The following HAUS6 variants were observed in gnomAD, a reference collection of about 807,000 sequenced individuals.
HAUS6 encodes the protein HAUS augmin like complex subunit 6.
A neutral mutation model predicts 106.8 loss-of-function variants in HAUS6; 80 were observed. The observed-to-expected ratio is 0.75, with a 90% CI of 0.63 to 0.90. HAUS6 has a LOEUF of 0.90. HAUS6 is among the 40% of genes least tolerant of loss of function. The pLI is 0.00. For missense variants in HAUS6, 1,155 were observed against 1,118.1 expected, an observed-to-expected ratio of 1.03 and a Z score of -0.47; for synonymous variants, 356 against 379.1, an observed-to-expected ratio of 0.94 and a Z score of 0.71.
chr9:19,086,299 T>G (rs1588620002), intron 7 of HAUS6, among the ~76,000 whole-genome samples: 1 of 124,744 alleles, frequency 8.0e-6, no homozygotes, highest in Admixed American at 8.8e-5. Flanking sequence ...AGAGTGAGAC[T>G]CCATCTCAAA....
Position 19,058,116 on chromosome 9 carries a change from G to A in HAUS6, c.2651C>T (p.Thr884Ile), listed in dbSNP as rs747431956. Residue 884 changes from threonine to isoleucine, a missense_variant, in exon 16 of 17, where the codon ACC (threonine) becomes ATC (isoleucine). This residue lies in a region of HAUS6 where 380 missense variants were observed against 394.8 expected (regional missense o/e 0.96). Coordinates refer to ENST00000380502, the MANE Select transcript of HAUS6 (RefSeq NM_017645.5). ...TATATGCTCAGTATGCAAATCACAG[G>A]TGTCCAAAAAGTTAAGCGTATCATC... The part of the protein sequence containing the change: ...QTDDTLNFLD[T>I]CDLHTEHIKP... 8 of 1,614,114 alleles carry A rather than the reference G, an allele frequency of 5.0e-6. No individual in the cohort carries two copies. Among genetic ancestry groups the A allele is most frequent in the East Asian group, 2.2e-5 (1 of 44,878 alleles).
intron 13 of HAUS6, 126 bp downstream of exon 13, chr9:19,063,388 C>T: frequency 1.5e-6 from 1 of 657,212 alleles, no homozygotes; most frequent in Non-Finnish European, 2.6e-6. Context: ...AGATATGGTA[C>T]AAAATGTACA....
In HAUS6 at chr9:19,093,302, C is replaced by G; in HGVS notation, c.305G>C (p.Gly102Ala). 6.3e-7 allele frequency: 1 copy of G among 1,596,354 alleles called. No individual in the cohort carries two copies. The highest frequency in any genetic ancestry group is 8.5e-7 in the Non-Finnish European group (1 of 1,171,478). The change falls in exon 4 of 17, where the codon GGT becomes GCT. Residue 102 changes from glycine (G) to alanine (A), a missense_variant and splice_region_variant. By Grantham distance (60) the Gly-to-Ala change is moderately conservative (BLOSUM62 0). Coordinates refer to ENST00000380502, the MANE Select transcript of HAUS6 (RefSeq NM_017645.5). Reference sequence around the variant, plus strand: ...TTGAGGAAAGCTACTTCCACATTCACCCTATGAAGAAAAGAAATAAGATGA... The same window carrying G: ...TTGAGGAAAGCTACTTCCACATTCAGCCTATGAAGAAAAGAAATAAGATGA... ...HCCEWIKRIS[G>A]ECGSSFPQVV...
In HAUS6 at chr9:19,060,087, C is replaced by T. The variant is rs1165634274; in HGVS notation, c.1765+1G>A. 1.2e-6 allele frequency: 2 copies of T among 1,605,972 alleles called. No homozygotes were observed. The highest frequency in any genetic ancestry group is 1.7e-6 in the Non-Finnish European group (2 of 1,175,638). On this transcript the variant is annotated splice_donor_variant, in intron 15 of 16. Coordinates refer to ENST00000380502, the MANE Select transcript of HAUS6 (RefSeq NM_017645.5). LOFTEE classifies it high-confidence loss of function. ...AGTAACAGAAAGCATTATTAACTTA[C>T]TCAAGTTTTCTGGAGTACGGGGAAT...
At chr9:19,056,782 G>A in intron 16 of HAUS6, 1 of 170,728 alleles carries the variant, frequency 5.9e-6, no homozygotes, top group Admixed American at 5.9e-5. Flanking sequence ...TTAATTTTTT[G>A]TAGAGACATA....
Position 19,096,657 on chromosome 9 carries a change from A to C in HAUS6, c.224+17T>G. The C allele has an allele frequency of 9.0e-7, 1 of 1,113,610 alleles. No homozygotes were observed. Among genetic ancestry groups the C allele is most frequent in the Non-Finnish European group, 1.3e-6 (1 of 757,156 alleles). 69.0% of individuals were successfully genotyped at this position (1,113,610 alleles called of 1,614,324 possible). On this transcript the variant is annotated intron_variant, in intron 2 of 16. Coordinates refer to ENST00000380502, the MANE Select transcript of HAUS6 (RefSeq NM_017645.5). Reference sequence around the variant, plus strand: ...ATTTGGAAAGAAATTTAAGAAAATGAAATTATTTTTCCTTACTTGAAAACT... The same window carrying C: ...ATTTGGAAAGAAATTTAAGAAAATGCAATTATTTTTCCTTACTTGAAAACT...
intron 14 of HAUS6, among the ~76,000 whole-genome samples, chr9:19,062,214 C>T (rs1836639401): frequency 6.6e-6 from 1 of 152,148 alleles, no homozygotes; most frequent in Non-Finnish European, 1.5e-5. Context: ...AACAACAATG[C>T]ATCTAATCAC....
At chr9:19,057,776 A>C in intron 16 of HAUS6, 185 bp downstream of exon 16, 2 of 498,160 alleles carry the variant, frequency 4.0e-6, no homozygotes, top group East Asian at 5.9e-5. Context: ...AATTGTAACT[A>C]TATATACATA....
At chr9:19,101,946 G>A (rs759623967) in intron 1 of HAUS6, among the ~76,000 whole-genome samples, 4 of 152,172 alleles carry the variant, frequency 2.6e-5, no homozygotes, top group Non-Finnish European at 4.4e-5. Flanking sequence ...TTGGCCTACA[G>A]TGGGAATGAT....
rs1006044908 is a variant in HAUS6, at chr9:19,056,217, G to A, written c.*126C>T. 1.7e-6 allele frequency: 1 copy of A among 582,152 alleles called. No homozygotes were observed. The allele number at this position is 582,152 out of a possible 1,614,324, so 36.1% of individuals were successfully genotyped here. A position where few individuals can be genotyped will look rare whatever the true frequency, so the allele number is the denominator to read the frequency against. On this transcript the variant is annotated 3_prime_UTR_variant, in exon 17 of 17. Coordinates refer to ENST00000380502, the MANE Select transcript of HAUS6 (RefSeq NM_017645.5). ...TATTAAAGAAGGCTAAAAGGCATTA[G>A]GAATTTTTTTAAACCTTGAAAAACA...
rs373136257 is a variant in HAUS6 at position 19,060,077 on chromosome 9, T to C, written c.1765+11A>G. ...GAAAGAAAAAAGTAACAGAAAGCAT[T>C]ATTAACTTACTCAAGTTTTCTGGAG... is the stretch of plus-strand genomic sequence containing the variant. On this transcript the variant is annotated intron_variant, in intron 15 of 16. Transcript: ENST00000380502. 6 of 1,600,160 alleles carry C rather than the reference T, an allele frequency of 3.7e-6. No homozygotes were observed. In the African/African-American group the frequency reaches 5.4e-5, roughly 14 times the overall value.
Position 19,080,536 on chromosome 9 carries a change from T to C in HAUS6, c.1007A>G (p.Tyr336Cys), listed in dbSNP as rs150224152. The change falls in exon 9 of 17, where the codon TAC becomes TGC. Residue 336 changes from tyrosine (Y) to cysteine (C), a missense_variant. Coordinates refer to ENST00000380502, the MANE Select transcript of HAUS6 (RefSeq NM_017645.5). Reference protein sequence around the residue: ...DQARLTVDLHYLEKETKFQKE... With the variant: ...DQARLTVDLHCLEKETKFQKE... ...CTGAAATTTGGTCTCTTTTTCAAGG[T>C]AGTGAAGGTCTACCGTCAATCTTGC... 381 of 1,609,000 alleles carry C rather than the reference T, an allele frequency of 2.4e-4. 1 individual carries two copies. In the African/African-American group the frequency reaches 4.4e-3, roughly 18 times the overall value.
Position 19,063,562 on chromosome 9 carries a change from C to T in HAUS6, c.1395G>A (p.Ser465=), listed in dbSNP as rs753112729. Reference sequence around the variant, plus strand: ...TTCTATCTGATGATGAAACTGACTGCGACAAGAAAGAGGCAGGGCTAAAAG... The same window carrying T: ...TTCTATCTGATGATGAAACTGACTGTGACAAGAAAGAGGCAGGGCTAAAAG... ...DLANSPASFL[S]QSVSSSDRNS... The change falls in exon 13 of 17, where the codon TCG becomes TCA. Residue 465 remains serine (S), a synonymous_variant. Transcript: ENST00000380502. 5.6e-6 allele frequency: 9 copies of T among 1,606,136 alleles called. No homozygotes were observed. Among genetic ancestry groups the T allele is most frequent in the South Asian group, 4.4e-5 (4 of 90,924 alleles).
chr9:19,095,960 AAAC>A (rs940896315), intron 2 of HAUS6, among the ~76,000 whole-genome samples: 1 of 152,100 alleles, frequency 6.6e-6, no homozygotes, highest in African/African-American at 2.4e-5. Context: ...CGTGTAGACA[AAAC>A]AACACTGCCT....
At chr9:19,102,465 G>C in intron 1 of HAUS6, 59 bp downstream of exon 1, 2 of 1,564,428 alleles carry the variant, frequency 1.3e-6, no homozygotes, top group Non-Finnish European at 1.7e-6. Flanking sequence ...ACAAAAGGGG[G>C]AGTCCCCCGG....
chr9:19,056,321 G>C lies in HAUS6; in HGVS notation c.*22C>G, dbSNP rs961957451. On this transcript the variant is annotated 3_prime_UTR_variant, in exon 17 of 17. Coordinates refer to ENST00000380502, the MANE Select transcript of HAUS6 (RefSeq NM_017645.5). Reference sequence around the variant, plus strand: ...ATAGCTTCAATTTAAGTGCATCATAGTTATATTAAATGGGTACGTCTTCAT... The same window carrying C: ...ATAGCTTCAATTTAAGTGCATCATACTTATATTAAATGGGTACGTCTTCAT... 1 of 1,118,230 alleles carries C rather than the reference G, an allele frequency of 8.9e-7. No homozygotes were observed. Among genetic ancestry groups the C allele is most frequent in the African/African-American group, 1.5e-5 (1 of 65,144 alleles). 69.3% of individuals were successfully genotyped at this position (1,118,230 alleles called of 1,614,324 possible).
At chr9:19,096,639 A>G (rs779831137) in intron 2 of HAUS6, 35 bp downstream of exon 2, 1 of 933,520 alleles carries the variant, frequency 1.1e-6, no homozygotes, top group Admixed American at 2.4e-5. Flanking sequence ...CAAATTTGGA[A>G]AGAAATTTAA....
chr9:19,083,707 CAGA>C (rs1285320990), intron 7 of HAUS6, among the ~76,000 whole-genome samples: 1 of 150,220 alleles, frequency 6.7e-6, no homozygotes, highest in East Asian at 2.0e-4. Context: ...GAGGCTGAGG[CAGA>C]AGAATGGTGT....
At chr9:19,082,769 C>T (rs1837187471) in intron 8 of HAUS6, 104 bp downstream of exon 8, 1 of 650,418 alleles carries the variant, frequency 1.5e-6, no homozygotes, top group Non-Finnish European at 2.4e-6. Flanking sequence ...AAACAAAAAA[C>T]AAAAAACAAA....
Sources: gnomAD v4.1 joint callset for allele counts (sites outside exome capture counted in the v4.1 genomes callset) on GRCh38, gnomAD v4.1.1 for gene constraint, gnomAD v4.1.1 regional missense constraint, MANE v1.5 for transcripts, NCBI Gene and HGNC (gene_info 2026-07-23, HGNC 2026-07-21) for gene names.